The following KYAT1 variants were observed in gnomAD, a reference collection of about 807,000 sequenced individuals.
The protein encoded by KYAT1 is kynurenine--oxoglutarate transaminase 1.
Under a neutral mutation model 52.4 loss-of-function variants are expected in KYAT1, and 47 were observed. The ratio of observed to expected loss-of-function variants is 0.90; its 90% CI spans 0.71 to 1.14. The LOEUF is 1.14. KYAT1 is among the 50% of genes most tolerant of loss of function. The probability of loss-of-function intolerance (pLI) is 0.00; values close to 1 mark genes in which losing one functional copy is unlikely to be tolerated. For missense variants in KYAT1, 480 were observed against 557.9 expected, an observed-to-expected ratio of 0.86 and a Z score of 1.41; for synonymous variants, 212 against 209.6, an observed-to-expected ratio of 1.01 and a Z score of -0.10.
intron 1 of KYAT1, among the ~76,000 whole-genome samples, chr9:128,859,369 A>C (rs113801046): frequency 0.035 from 5,228 of 151,502 alleles, 211 homozygotes; most frequent in African/African-American, 0.094. Flanking sequence ...TCAACAACAA[A>C]AAAAAAAGTT....
intron 1 of KYAT1, among the ~76,000 whole-genome samples, chr9:128,876,475 T>G (rs1163446025): frequency 5.4e-5 from 8 of 149,332 alleles, no homozygotes; most frequent in Non-Finnish European, 1.2e-4. Flanking sequence ...TGGAGTGCAG[T>G]GGCGTGATCT....
chr9:128,863,948 C>T (rs1835818769), intron 1 of KYAT1, among the ~76,000 whole-genome samples: 1 of 152,142 alleles, frequency 6.6e-6, no homozygotes, highest in Non-Finnish European at 1.5e-5. Context: ...CGCCTCACCC[C>T]TTTTCTAGGA....
At chr9:128,880,844 G>T (rs998975482) in intron 1 of KYAT1, among the ~76,000 whole-genome samples, 2 of 152,124 alleles carry the variant, frequency 1.3e-5, no homozygotes, top group Admixed American at 1.3e-4. Context: ...CTAGGCATTG[G>T]CTTAACACGT....
Position 128,865,336 on chromosome 9 carries a change from TATATATATA to T in KYAT1, c.-7+16552_-7+16560del, listed in dbSNP as rs1836140390. ...ATATATATATATATATATATATATA[TATATATATA>T]TATATATATATATATTTTTTTTTTT... On this transcript the variant is annotated intron_variant, in intron 1 of 12. Transcript: ENST00000302586. Among the ~76,000 whole-genome samples, 19 of 2,174 alleles carry T rather than the reference TATATATATA, an allele frequency of 8.7e-3. 2 individuals are homozygous for T. Among genetic ancestry groups the T allele is most frequent in the South Asian group, 0.062 (4 of 64 alleles). The allele number at this position is 2,174 out of a possible 152,430, so 1.4% of individuals were successfully genotyped here. A position where few individuals can be genotyped will look rare whatever the true frequency, so the allele number is the denominator to read the frequency against.
At chr9:128,873,853 G>A (rs1244228686) in intron 1 of KYAT1, among the ~76,000 whole-genome samples, 2 of 151,688 alleles carry the variant, frequency 1.3e-5, no homozygotes, top group African/African-American at 4.9e-5. Context: ...GGCTGAGGCA[G>A]GAGAATCGCT....
chr9:128,873,373 A>AT (rs34508536), intron 1 of KYAT1, among the ~76,000 whole-genome samples: 8,351 of 151,750 alleles, frequency 0.055, 278 homozygotes, highest in African/African-American at 0.095. Flanking sequence ...GAAAAAAAAA[A>AT]AAAACTAATA....
intron 10 of KYAT1, 35 bp downstream of exon 10, chr9:128,835,446 C>A: frequency 6.2e-7 from 1 of 1,613,754 alleles, no homozygotes; most frequent in Non-Finnish European, 8.5e-7. Flanking sequence ...GCCTCCAGCC[C>A]CTGCGCCCTG....
At chr9:128,845,273 A>G in intron 2 of KYAT1, 80 bp downstream of exon 2, 2 of 1,118,212 alleles carry the variant, frequency 1.8e-6, no homozygotes, top group South Asian at 2.6e-5. Context: ...CTGGAGTACT[A>G]CTGAGTTGCT....
At chr9:128,861,744 A>G (rs953588398) in intron 1 of KYAT1, among the ~76,000 whole-genome samples, 1 of 152,220 alleles carries the variant, frequency 6.6e-6, no homozygotes, top group Non-Finnish European at 1.5e-5. Flanking sequence ...GCTTTAGCTC[A>G]GGTAACTCAG....
intron 1 of KYAT1, among the ~76,000 whole-genome samples, chr9:128,854,826 TGAA>T (rs202052903): frequency 0.024 from 3,611 of 152,222 alleles, 139 homozygotes; most frequent in African/African-American, 0.082. Flanking sequence ...CTGCCCAACC[TGAA>T]GAAGAAGGAA....
At chr9:128,867,485 G>C (rs1836567461) in intron 1 of KYAT1, among the ~76,000 whole-genome samples, 1 of 152,004 alleles carries the variant, frequency 6.6e-6, no homozygotes, top group Non-Finnish European at 1.5e-5. Flanking sequence ...AGCCCTAAAA[G>C]CTGATCTTAC....
chr9:128,856,333 T>C (rs1163452217), intron 1 of KYAT1, among the ~76,000 whole-genome samples: 1 of 152,226 alleles, frequency 6.6e-6, no homozygotes, highest in Non-Finnish European at 1.5e-5. Context: ...GTATTAATCC[T>C]TGTATGTCTG....
chr9:128,845,388 C>T lies in KYAT1; in HGVS notation c.18G>A (p.Gln6=). The part of the protein sequence containing the change: MAKQL[Q]ARRLDGIDYN... ...AGTCGATCCCGTCTAGCCTTCGGGC[C>T]TGCAGCTGTTTGGCCATGGCGAGCT... Residue 6 remains glutamine, a synonymous_variant, in exon 2 of 13, where the codon CAG becomes CAA. Coordinates refer to ENST00000302586, the MANE Select transcript of KYAT1 (RefSeq NM_004059.5). 7 of 1,613,972 alleles carry T rather than the reference C, an allele frequency of 4.3e-6. No individual in the cohort carries two copies. Among genetic ancestry groups the T allele is most frequent in the Non-Finnish European group, 5.9e-6 (7 of 1,180,010 alleles).
At position 128,837,752 on chromosome 9, in the gene KYAT1, A is replaced by C. The variant is rs747147633; in HGVS notation, c.500T>G (p.Leu167Arg). Reference protein sequence around the residue: ...SSNWQLDPMELAGKFTSRTKA... With the variant: ...SSNWQLDPMERAGKFTSRTKA... ...GGTGCGTGATGTGAATTTGCCGGCC[A>C]GCTCCATGGGGTCCAGCTGCCAGTT... Residue 167 changes from leucine to arginine, a missense_variant, in exon 6 of 13, where the codon CTG becomes CGG. Coordinates refer to ENST00000302586, the MANE Select transcript of KYAT1 (RefSeq NM_004059.5). 11 of 1,613,962 alleles carry C rather than the reference A, an allele frequency of 6.8e-6. No individual in the cohort carries two copies. Among genetic ancestry groups the C allele is most frequent in the South Asian group, 1.1e-5 (1 of 91,092 alleles).
intron 1 of KYAT1, among the ~76,000 whole-genome samples, chr9:128,865,359 A>ATATTTT (rs1836206985): frequency 1.5e-4 from 4 of 27,306 alleles, no homozygotes; most frequent in East Asian, 1.5e-3. Context: ...ATATATATAT[A>ATATTTT]TTTTTTTTTT....
At chr9:128,880,286 A>G (rs1838627172) in intron 1 of KYAT1, among the ~76,000 whole-genome samples, 1 of 152,116 alleles carries the variant, frequency 6.6e-6, no homozygotes, top group Admixed American at 6.6e-5. Flanking sequence ...TCATGTCAAT[A>G]AATAGTTACT....
intron 1 of KYAT1, among the ~76,000 whole-genome samples, chr9:128,863,234 G>C (rs376280603): frequency 6.6e-6 from 1 of 152,012 alleles, no homozygotes; most frequent in Non-Finnish European, 1.5e-5. Flanking sequence ...GCTGAGAGAC[G>C]GGGGAAGGAT....
chr9:128,866,252 GA>G (rs1836361114), intron 1 of KYAT1, among the ~76,000 whole-genome samples: 1 of 152,150 alleles, frequency 6.6e-6, no homozygotes, highest in South Asian at 2.1e-4. Flanking sequence ...GACAACAAAA[GA>G]CCAGCATCTC....
chr9:128,855,179 G>A (rs1218354170), intron 1 of KYAT1, among the ~76,000 whole-genome samples: 1 of 152,130 alleles, frequency 6.6e-6, no homozygotes, highest in Non-Finnish European at 1.5e-5. Flanking sequence ...AACTATTATA[G>A]ACTGGGCCCC....
Sources: gnomAD v4.1 joint callset for allele counts (sites outside exome capture counted in the v4.1 genomes callset) on GRCh38, gnomAD v4.1.1 for gene constraint, MANE v1.5 for transcripts, NCBI Gene and HGNC (gene_info 2026-07-23, HGNC 2026-07-21) for gene names.